ANK3: variants seen among roughly 807,000 people sequenced by gnomAD.
ANK3 encodes the protein ankyrin-3.
A neutral mutation model predicts 370.9 loss-of-function variants in ANK3; 57 were observed. That is an observed-to-expected ratio of 0.15 (90% CI 0.12 to 0.19). The LOEUF (loss-of-function observed/expected upper bound fraction) is 0.19. Ranked by LOEUF, ANK3 falls within the 10% of genes least tolerant of loss-of-function variation. ANK3 has a pLI of 1.00. For missense variants in ANK3, 4,439 were observed against 5,302.1 expected (o/e 0.84, Z 5.06); for synonymous variants, 1,929 against 1,946.3 (o/e 0.99, Z 0.23).
intron 16 of ANK3, among the ~76,000 whole-genome samples, chr10:60,193,526 ATGCCTGTAGTCTCATCT>A (rs1349974786): frequency 2.0e-5 from 3 of 151,818 alleles, no homozygotes; most frequent in African/African-American, 7.3e-5. Flanking sequence ...TAGGTGGTAC[ATGCCTGTAGTCTCATCT>A]ATTTGGGAGG....
chr10:60,528,552 C>T (rs1229845327), intron 2 of ANK3, among the ~76,000 whole-genome samples: 4 of 152,194 alleles, frequency 2.6e-5, no homozygotes, highest in Admixed American at 1.3e-4. Flanking sequence ...AAAATATTTG[C>T]AGTTTTATAC....
rs546235661 is a variant in ANK3 at position 60,084,396 on chromosome 10, G to C, written c.4074+206C>G. 932 of 217,388 alleles carry C rather than the reference G, an allele frequency of 4.3e-3. 5 individuals carry two copies. The highest frequency in any genetic ancestry group is 6.1e-3 in the Non-Finnish European group (716 of 116,600). The allele number at this position is 217,388 out of a possible 1,614,324, so 13.5% of individuals were successfully genotyped here. On this transcript the variant is annotated intron_variant, in intron 32 of 43. Coordinates refer to ENST00000280772, the MANE Select transcript of ANK3 (RefSeq NM_020987.5). Reference sequence around the variant, plus strand: ...ACTCCAGCCTCGGCAACAGAGCAAGGCTCCGTCTCAAAAAAAAAAAAATTA... The same window carrying C: ...ACTCCAGCCTCGGCAACAGAGCAAGCCTCCGTCTCAAAAAAAAAAAAATTA...
intron 36 of ANK3, among the ~76,000 whole-genome samples, chr10:60,077,490 A>G (rs996073797): frequency 6.6e-6 from 1 of 152,244 alleles, no homozygotes; most frequent in African/African-American, 2.4e-5. Flanking sequence ...AAGGGCATTT[A>G]GAAAGAAGAG....
Position 60,494,337 on chromosome 10 carries a change from A to G in ANK3, c.96+120849T>C, listed in dbSNP as rs529308570. On this transcript the variant is annotated intron_variant, in intron 2 of 43. Coordinates refer to the ANK3 transcript ENST00000373827. Reference sequence around the variant, plus strand: ...TGAAACCAAGAGAATAAACTTCAATATGGAAAGACAAGCTTAAGAGATACA... The same window carrying G: ...TGAAACCAAGAGAATAAACTTCAATGTGGAAAGACAAGCTTAAGAGATACA... 2.6e-5 allele frequency among the ~76,000 whole-genome samples: 4 copies of G among 152,350 alleles called. No homozygotes were observed. The South Asian group carries it at 8.3e-4, about 32-fold the overall frequency.
intron 2 of ANK3, among the ~76,000 whole-genome samples, chr10:60,600,564 A>G (rs1332382928): frequency 1.3e-5 from 2 of 152,084 alleles, no homozygotes; most frequent in African/African-American, 4.8e-5. Flanking sequence ...TAATGTGTTT[A>G]TTCTCTGTGT....
At chr10:60,401,699 G>A (rs1284771274) in intron 2 of ANK3, among the ~76,000 whole-genome samples, 1 of 152,114 alleles carries the variant, frequency 6.6e-6, no homozygotes, top group African/African-American at 2.4e-5. Flanking sequence ...ACTTTTAAAA[G>A]GTTGTATAAT....
rs74232494 is a variant in ANK3, at chr10:60,202,521, C to A, written c.1392+481G>T. ...TAACAATTTGTGGCCAACTAGAGAC[C>A]GAGTGTATCTTGCCTTTGAAGTAAA... On this transcript the variant is annotated intron_variant, in intron 12 of 43. Transcript: ENST00000280772. 8.9e-4 allele frequency among the ~76,000 whole-genome samples: 136 copies of A among 152,300 alleles called. 1 individual carries two copies. The East Asian group carries it at 0.018, about 20-fold the overall frequency.
intron 5 of ANK3, among the ~76,000 whole-genome samples, chr10:60,266,950 T>G (rs74156438): frequency 6.6e-6 from 1 of 152,306 alleles, no homozygotes; most frequent in African/African-American, 2.4e-5. Context: ...ATATACTGTG[T>G]GCTTCAGAAT....
chr10:60,206,546 A>G (rs951851240), intron 10 of ANK3, among the ~76,000 whole-genome samples: 1 of 151,598 alleles, frequency 6.6e-6, no homozygotes, highest in South Asian at 2.1e-4. Context: ...TCTGGCCCCA[A>G]CATTTGTCCT....
chr10:60,069,896 G>A lies in ANK3; in HGVS notation c.10985C>T (p.Ser3662Leu). 1 of 1,614,012 alleles carries A rather than the reference G, an allele frequency of 6.2e-7. No individual in the cohort carries two copies. Among genetic ancestry groups the A allele is most frequent in the African/African-American group, 1.3e-5 (1 of 75,042 alleles). Residue 3662 changes from serine (S) to leucine (L), a missense_variant, in exon 37 of 44, where the codon TCA becomes TTA. Ser to Leu is a moderately radical substitution (Grantham distance 145). Around this residue, in one of 13 missense-constraint regions of ANK3, gnomAD observed 496 missense variants for 529.3 expected, o/e 0.94. Transcript: ENST00000280772. ...SMVTATPQPQ[S>L]GDTTVETNLE... The stretch of plus-strand genomic sequence containing the variant: ...ATTGGTTTCTACAGTGGTGTCCCCT[G>A]ACTGTGGCTGTGGTGTGGCAGTGAC...
At chr10:60,681,764 G>A (rs1003896753) in intron 1 of ANK3, among the ~76,000 whole-genome samples, 3 of 152,222 alleles carry the variant, frequency 2.0e-5, no homozygotes, top group African/African-American at 7.2e-5. Flanking sequence ...ATGGAAGTAA[G>A]TTACCATGGG....
At chr10:60,064,334 A>ATCAC (rs1233330483) in intron 38 of ANK3, 46 bp from the exon 39 acceptor site, 6 of 1,526,828 alleles carry the variant, frequency 3.9e-6, no homozygotes, top group Non-Finnish European at 3.5e-6. Flanking sequence ...TTCTACTTTT[A>ATCAC]TCACACGTTT....
intron 1 of ANK3, among the ~76,000 whole-genome samples, chr10:60,714,530 A>G (rs1057399987): frequency 6.6e-6 from 1 of 152,210 alleles, no homozygotes; most frequent in African/African-American, 2.4e-5. Context: ...ATAATCGTAC[A>G]TCTTGACCAA....
At chr10:60,250,997 G>A (rs35098882) in intron 7 of ANK3, among the ~76,000 whole-genome samples, 16,297 of 152,030 alleles carry the variant, frequency 0.11, 1,135 homozygotes, top group Non-Finnish European at 0.16. Context: ...GTTTTTTATT[G>A]TCTTTACTGT....
chr10:60,670,226 C>T (rs142416801), intron 1 of ANK3, among the ~76,000 whole-genome samples: 190 of 152,230 alleles, frequency 1.2e-3, no homozygotes, highest in African/African-American at 4.2e-3. Context: ...CAACACCTCC[C>T]ATACCCTAAC....
At chr10:60,694,299 A>G (rs1420969621) in intron 1 of ANK3, among the ~76,000 whole-genome samples, 3 of 152,188 alleles carry the variant, frequency 2.0e-5, no homozygotes, top group Non-Finnish European at 2.9e-5. Context: ...TGACGGGGAG[A>G]ATGGAACCAA....
intron 1 of ANK3, among the ~76,000 whole-genome samples, chr10:60,673,950 C>T (rs16915354): frequency 0.041 from 6,197 of 152,170 alleles, 160 homozygotes; most frequent in Middle Eastern, 0.071. Flanking sequence ...TGCAAAGAGT[C>T]TTCACTGCTC....
intron 1 of ANK3, among the ~76,000 whole-genome samples, chr10:60,329,085 C>A (rs2050593775): frequency 6.6e-6 from 1 of 152,116 alleles, no homozygotes; most frequent in South Asian, 2.1e-4. Flanking sequence ...ATTCAACATC[C>A]CTTCATGCTA....
At chr10:60,526,286 A>C (rs573011915) in intron 2 of ANK3, among the ~76,000 whole-genome samples, 2 of 152,258 alleles carry the variant, frequency 1.3e-5, no homozygotes, top group African/African-American at 4.8e-5. Context: ...TTCTCTGAGT[A>C]CTGTAATGTT....
Sources: gnomAD v4.1 joint callset for allele counts (sites outside exome capture counted in the v4.1 genomes callset) on GRCh38, gnomAD v4.1.1 for gene constraint, gnomAD v4.1.1 regional missense constraint, MANE v1.5 for transcripts, NCBI Gene and HGNC (gene_info 2026-07-23, HGNC 2026-07-21) for gene names.